Variants in ANKRD62 observed in about 807,000 individuals in gnomAD.
ANKRD62 encodes the protein ankyrin repeat domain 62.
A neutral mutation model predicts 98.8 loss-of-function variants in ANKRD62; 61 were observed. The observed-to-expected ratio is 0.62, with a 90% CI of 0.50 to 0.76. ANKRD62 has a LOEUF of 0.76. ANKRD62 is among the 30% of genes least tolerant of loss of function. The pLI is 0.00. For synonymous variants in ANKRD62, 341 were observed against 367.9 expected, an observed-to-expected ratio of 0.93 and a Z score of 0.84; for missense variants, 933 against 1,082.9, an observed-to-expected ratio of 0.86 and a Z score of 1.94.
the ANKRD62 span, among the ~76,000 whole-genome samples, chr18:12,158,556 C>T: frequency 5.3e-5 from 8 of 151,374 alleles, no homozygotes; most frequent in African/African-American, 9.7e-5. Context: ...GACGGAGTCT[C>T]GCTGTGTCGC....
chr18:12,094,228 A>G lies in ANKRD62; in HGVS notation c.211A>G (p.Lys71Glu), dbSNP rs1200025951. 7 of 1,525,574 alleles carry G rather than the reference A, an allele frequency of 4.6e-6. No homozygotes were observed. The highest frequency in any genetic ancestry group is 6.1e-6 in the Non-Finnish European group (7 of 1,144,684). 94.5% of individuals were successfully genotyped at this position (1,525,574 alleles called of 1,614,324 possible). The change falls in exon 1 of 14, where the codon AAG (lysine) becomes GAG (glutamate). Residue 71 changes from lysine (K) to glutamate (E), a missense_variant. Transcript: ENST00000587848. ...RLNDLNDRDK[K>E]NRTALLLACA... ...GAATGACTTGAACGACAGGGACAAGAAGAACAGGTAAGGGGAACAGGAAGC... is the reference window on the plus strand; with the variant it reads ...GAATGACTTGAACGACAGGGACAAGGAGAACAGGTAAGGGGAACAGGAAGC...
chr18:12,130,002 C>A (rs542956547), downstream of ANKRD62, among the ~76,000 whole-genome samples: 61 of 152,076 alleles, frequency 4.0e-4, no homozygotes, highest in African/African-American at 1.4e-3. Context: ...AGACCACATG[C>A]AAAAGTACAG....
chr18:12,098,839 T>G (rs1294130733), intron 5 of ANKRD62, among the ~76,000 whole-genome samples: 6 of 152,212 alleles, frequency 3.9e-5, no homozygotes. Flanking sequence ...GGAAGCATCA[T>G]TCTAACAAAG....
At chr18:12,097,578 A>G in intron 4 of ANKRD62, 62 bp from the exon 5 acceptor site, 1 of 1,462,160 alleles carries the variant, frequency 6.8e-7, no homozygotes, top group Non-Finnish European at 9.1e-7. Flanking sequence ...AAGTTTATAA[A>G]TTTAGCTTTT....
intron 5 of ANKRD62, 131 bp from the exon 6 acceptor site, chr18:12,099,484 C>T: frequency 4.0e-6 from 2 of 503,920 alleles, no homozygotes; most frequent in East Asian, 3.3e-5. Context: ...TTTTGTAGAG[C>T]TTACAAACTA....
At chr18:12,164,167 C>T in the ANKRD62 span, among the ~76,000 whole-genome samples, 1 of 151,848 alleles carries the variant, frequency 6.6e-6, no homozygotes, top group East Asian at 1.9e-4. Context: ...TTTATTATGG[C>T]TTTGATCCCA....
At chr18:12,131,146 T>A (rs1233277136), downstream of ANKRD62, among the ~76,000 whole-genome samples, 1 of 152,174 alleles carries the variant, frequency 6.6e-6, no homozygotes, top group Non-Finnish European at 1.5e-5. Context: ...GATTTCAGAT[T>A]TTCAAGTTAG....
the ANKRD62 span, among the ~76,000 whole-genome samples, chr18:12,163,516 A>T: frequency 6.6e-6 from 1 of 152,086 alleles, no homozygotes; most frequent in Admixed American, 6.6e-5. Context: ...CTTTTGTCTG[A>T]TTGTTCTAGC....
At chr18:12,102,782 T>A in intron 6 of ANKRD62, 10 of 990,856 alleles carry the variant, frequency 1.0e-5, no homozygotes, top group Non-Finnish European at 1.2e-5. Context: ...AGTGTGTTAT[T>A]ATAAAGGTAA....
chr18:12,168,926 GCT>G, the ANKRD62 span, among the ~76,000 whole-genome samples: 3 of 151,834 alleles, frequency 2.0e-5, no homozygotes, highest in African/African-American at 7.3e-5. Flanking sequence ...TCATGATTTG[GCT>G]CTGTTTGTCT....
chr18:12,130,531 T>G (rs1436604306), downstream of ANKRD62, among the ~76,000 whole-genome samples: 1 of 152,206 alleles, frequency 6.6e-6, no homozygotes, highest in Non-Finnish European at 1.5e-5. Context: ...GGACCAAAAG[T>G]AGATTTTTTC....
chr18:12,124,449 T>C (rs1468282998), intron 12 of ANKRD62, 129 bp downstream of exon 12: 4 of 401,934 alleles, frequency 1.0e-5, no homozygotes, highest in South Asian at 5.8e-5. Context: ...ATGATACTTA[T>C]AGCTACAATT....
At chr18:12,102,840 C>T (rs1301199117) in intron 6 of ANKRD62, 1 of 914,846 alleles carries the variant, frequency 1.1e-6, no homozygotes, top group Non-Finnish European at 1.3e-6. Flanking sequence ...TCTGTTAATA[C>T]TGGATTTTCA....
the ANKRD62 span, among the ~76,000 whole-genome samples, chr18:12,155,765 C>A: frequency 6.6e-6 from 1 of 152,126 alleles, no homozygotes; most frequent in Non-Finnish European, 1.5e-5. Flanking sequence ...CAAAGCAGAA[C>A]CTAGCTGGCC....
At chr18:12,136,789 T>C in the ANKRD62 span, among the ~76,000 whole-genome samples, 1 of 152,212 alleles carries the variant, frequency 6.6e-6, no homozygotes, top group African/African-American at 2.4e-5. Flanking sequence ...TATTCCTAGG[T>C]ATTTTATTCT....
chr18:12,115,222 T>G (rs751025583), intron 9 of ANKRD62, 101 bp downstream of exon 9: 7 of 1,296,102 alleles, frequency 5.4e-6, no homozygotes, highest in Non-Finnish European at 7.1e-6. Context: ...TTGACTTTGA[T>G]AAAGCAGCGG....
At chr18:12,125,371 G>C in intron 12 of ANKRD62, 89 bp from the exon 13 acceptor site, 3 of 1,225,966 alleles carry the variant, frequency 2.4e-6, no homozygotes, top group Non-Finnish European at 3.2e-6. Flanking sequence ...TTGTATAAAC[G>C]TACAGGTTAT....
Position 12,095,465 on chromosome 18 carries a change from C to A in ANKRD62, c.362C>A (p.Ala121Glu). 6.3e-7 allele frequency: 1 copy of A among 1,575,780 alleles called. No individual in the cohort carries two copies. ...GTACAATGTCAAGAAGAAGTTTGTG[C>A]ATCCATCCTGCTGGAACATGGCGCC... ...KAVQCQEEVC[A>E]SILLEHGANP... is the part of the protein sequence containing the mutation. The change falls in exon 3 of 14, where the codon GCA (alanine) becomes GAA (glutamate). Residue 121 changes from alanine (A) to glutamate (E), a missense_variant. Ala to Glu is a moderately radical substitution (Grantham distance 107). Transcript: ENST00000587848.
chr18:12,100,231 A>T (rs769089731), intron 6 of ANKRD62, among the ~76,000 whole-genome samples: 2 of 152,192 alleles, frequency 1.3e-5, no homozygotes, highest in African/African-American at 4.8e-5. Context: ...CATATTAGTT[A>T]TATGTATTAT....
Sources: gnomAD v4.1 joint callset for allele counts (sites outside exome capture counted in the v4.1 genomes callset) on GRCh38, gnomAD v4.1.1 for gene constraint, MANE v1.5 for transcripts, NCBI Gene and HGNC (gene_info 2026-07-23, HGNC 2026-07-21) for gene names.